ROBO2: variants seen among roughly 807,000 people sequenced by gnomAD.
ROBO2 encodes the protein roundabout guidance receptor 2.
A neutral mutation model predicts 160.8 loss-of-function variants in ROBO2; 53 were observed. The ratio of observed to expected loss-of-function variants is 0.33; its 90% CI spans 0.26 to 0.41. ROBO2 has a LOEUF of 0.41. Ranked by LOEUF, ROBO2 falls within the 10% of genes least tolerant of loss-of-function variation. The probability of loss-of-function intolerance (pLI) is 1.00; values close to 1 mark genes in which losing one functional copy is unlikely to be tolerated. For missense variants in ROBO2, 1,577 were observed against 1,722.4 expected (o/e 0.92, Z 1.49); for synonymous variants, 664 against 611.7 (o/e 1.09, Z -1.26).
At chr3:76,350,904 A>G (rs1355025888) in intron 2 of ROBO2, among the ~76,000 whole-genome samples, 1 of 151,966 alleles carries the variant, frequency 6.6e-6, no homozygotes, top group Non-Finnish European at 1.5e-5. Flanking sequence ...TGCTCATAAA[A>G]GGATCCTGGA....
chr3:76,063,343 CTTTT>C (rs35062174), intron 2 of ROBO2, among the ~76,000 whole-genome samples: 5 of 134,764 alleles, frequency 3.7e-5, no homozygotes, highest in East Asian at 2.1e-4. Context: ...GCCCTCCTCC[CTTTT>C]TTTTTTTTTT....
intron 1 of ROBO2, among the ~76,000 whole-genome samples, chr3:77,044,487 C>G (rs2149642064): frequency 6.6e-6 from 1 of 152,142 alleles, no homozygotes; most frequent in South Asian, 2.1e-4. Context: ...CCTCCTTCTC[C>G]TCTCCTTCTC....
chr3:76,856,741 T>C (rs1418030288), intron 2 of ROBO2, among the ~76,000 whole-genome samples: 1 of 152,172 alleles, frequency 6.6e-6, no homozygotes, highest in Non-Finnish European at 1.5e-5. Flanking sequence ...TTTATATTAC[T>C]GGCTATCTAT....
At chr3:75,918,394 T>C (rs1946896864) in intron 1 of ROBO2, among the ~76,000 whole-genome samples, 1 of 152,174 alleles carries the variant, frequency 6.6e-6, no homozygotes, top group Non-Finnish European at 1.5e-5. Context: ...TTGGTCTATA[T>C]ATCTGTTTTG....
chr3:76,772,218 G>T (rs72894234), intron 2 of ROBO2, among the ~76,000 whole-genome samples: 3,042 of 151,154 alleles, frequency 0.02, 102 homozygotes, highest in African/African-American at 0.068. Context: ...ATTTTTAAGG[G>T]TTTCTTGTAT....
At chr3:76,670,003 T>C (rs2092203107) in intron 2 of ROBO2, among the ~76,000 whole-genome samples, 1 of 152,144 alleles carries the variant, frequency 6.6e-6, no homozygotes, top group African/African-American at 2.4e-5. Context: ...CATATACTAA[T>C]TTGTATTGAT....
At chr3:76,449,110 C>G (rs2077343595) in intron 2 of ROBO2, among the ~76,000 whole-genome samples, 1 of 152,126 alleles carries the variant, frequency 6.6e-6, no homozygotes, top group African/African-American at 2.4e-5. Flanking sequence ...TGTAATGGAA[C>G]AGGGTTCTCC....
chr3:77,175,465 GGC>G (rs1372260822), intron 2 of ROBO2, among the ~76,000 whole-genome samples: 1 of 151,960 alleles, frequency 6.6e-6, no homozygotes, highest in African/African-American at 2.4e-5. Flanking sequence ...TAATTTAATT[GGC>G]ACACGATGAG....
At chr3:77,520,599 C>T (rs756226287) in intron 5 of ROBO2, among the ~76,000 whole-genome samples, 1 of 151,006 alleles carries the variant, frequency 6.6e-6, no homozygotes, top group Non-Finnish European at 1.5e-5. Flanking sequence ...CTTTATCTCC[C>T]CTCTTGTAGC....
exon 22 of ROBO2, chr3:77,617,638 C>G: frequency 6.2e-7 from 1 of 1,614,138 alleles, no homozygotes; most frequent in Middle Eastern, 1.7e-4. Context: ...GTGGCTTCTT[C>G]TCCTGCTATC....
At position 77,092,243 on chromosome 3, in the gene ROBO2, A is replaced by G. The variant is rs139532249; in HGVS notation, c.62-5771A>G. 9.4e-3 allele frequency: 1,418 copies of G among 151,576 alleles called. 16 individuals carry two copies. Among genetic ancestry groups the G allele is most frequent in the African/African-American group, 0.032 (1,314 of 41,532 alleles). 9.4% of individuals were successfully genotyped at this position (151,576 alleles called of 1,614,324 possible). The stretch of plus-strand genomic sequence containing the variant: ...GAAAATGTTTTCTGCTGAAATTATG[A>G]CTAGCGACATTCATGTGATACATTT... On this transcript the variant is annotated intron_variant, in intron 1 of 25. Coordinates refer to ENST00000461745, the Ensembl canonical transcript of ROBO2.
At chr3:77,610,045 A>C (rs191473620) in intron 21 of ROBO2, among the ~76,000 whole-genome samples, 1 of 151,342 alleles carries the variant, frequency 6.6e-6, no homozygotes, top group Admixed American at 6.6e-5. Context: ...ATTTAAAGTT[A>C]ATATAAAAAC....
intron 2 of ROBO2, among the ~76,000 whole-genome samples, chr3:77,427,810 A>G (rs1279134032): frequency 6.6e-6 from 1 of 152,252 alleles, no homozygotes; most frequent in East Asian, 1.9e-4. Flanking sequence ...AATAATTTAA[A>G]CTATCAATAA....
chr3:76,322,709 A>G (rs939776849), intron 2 of ROBO2, among the ~76,000 whole-genome samples: 9 of 152,208 alleles, frequency 5.9e-5, no homozygotes, highest in Admixed American at 2.6e-4. Context: ...TTTCAGTTAG[A>G]TTTGAACAGA....
intron 2 of ROBO2, among the ~76,000 whole-genome samples, chr3:76,091,476 G>A (rs1340096276): frequency 6.6e-6 from 1 of 152,124 alleles, no homozygotes; most frequent in African/African-American, 2.4e-5. Flanking sequence ...CATTGCTGCT[G>A]GGGGCTACAA....
At chr3:76,968,179 G>A (rs1273385079) in intron 2 of ROBO2, among the ~76,000 whole-genome samples, 2 of 152,042 alleles carry the variant, frequency 1.3e-5, no homozygotes. Context: ...AATTGAGAGG[G>A]AATCTATCCA....
intron 2 of ROBO2, among the ~76,000 whole-genome samples, chr3:77,351,281 T>A (rs2068301005): frequency 6.6e-6 from 1 of 152,180 alleles, no homozygotes; most frequent in South Asian, 2.1e-4. Flanking sequence ...CATACTGGCA[T>A]TGTGATGGCA....
chr3:76,541,551 A>G (rs1295072628), intron 2 of ROBO2, among the ~76,000 whole-genome samples: 1 of 152,184 alleles, frequency 6.6e-6, no homozygotes, highest in Non-Finnish European at 1.5e-5. Context: ...CCAGGGATGT[A>G]AAGACAAGTG....
At chr3:76,020,805 G>A (rs367745676) in intron 2 of ROBO2, among the ~76,000 whole-genome samples, 19 of 151,824 alleles carry the variant, frequency 1.3e-4, no homozygotes, top group Admixed American at 3.3e-4. Context: ...CTGACATGTC[G>A]TCAAAAGTTT....
Sources: gnomAD v4.1 joint callset for allele counts (sites outside exome capture counted in the v4.1 genomes callset) on GRCh38, gnomAD v4.1.1 for gene constraint, MANE v1.5 for transcripts, NCBI Gene and HGNC (gene_info 2026-07-23, HGNC 2026-07-21) for gene names.